CCDC3: variants seen among roughly 807,000 people sequenced by gnomAD.
CCDC3 encodes the protein coiled-coil domain containing 3, also known as coiled-coil domain-containing protein 3.
Under a neutral mutation model 21.4 loss-of-function variants are expected in CCDC3, and 24 were observed. The ratio of observed to expected loss-of-function variants is 1.12; its 90% CI spans 0.81 to 1.58. CCDC3 has a LOEUF of 1.58. Ranked by LOEUF, CCDC3 falls within the 40% of genes most tolerant of loss-of-function variation. CCDC3 has a pLI of 0.00. For missense variants in CCDC3, 425 were observed against 360.9 expected (o/e 1.18, Z -1.44); for synonymous variants, 186 against 166.0 (o/e 1.12, Z -0.93).
intron 4 of CCDC3, among the ~76,000 whole-genome samples, chr10:13,064,201 G>A (rs1003912751): frequency 6.6e-6 from 1 of 152,174 alleles, no homozygotes; most frequent in Admixed American, 6.5e-5. Context: ...AGGGATTACA[G>A]GCGTGAGCCA....
At chr10:12,912,984 C>T (rs571161961) in intron 2 of CCDC3, among the ~76,000 whole-genome samples, 1 of 152,322 alleles carries the variant, frequency 6.6e-6, no homozygotes, top group South Asian at 2.1e-4. Flanking sequence ...TAGGCCAGTG[C>T]CATCCCGCTT....
At chr10:12,961,207 CCCA>C (rs1417001149) in intron 2 of CCDC3, among the ~76,000 whole-genome samples, 3 of 152,304 alleles carry the variant, frequency 2.0e-5, no homozygotes, top group Non-Finnish European at 2.9e-5. Flanking sequence ...ATGGCTTCAG[CCCA>C]CCAAGTCTGT....
chr10:13,002,005 A>G (rs954674319), upstream of CCDC3, among the ~76,000 whole-genome samples: 6 of 152,218 alleles, frequency 3.9e-5, no homozygotes, highest in African/African-American at 7.2e-5. Context: ...TTCATTAAAG[A>G]ATGACTCTTA....
chr10:12,994,742 C>T (rs539636394), intron 2 of CCDC3, among the ~76,000 whole-genome samples: 1 of 152,066 alleles, frequency 6.6e-6, no homozygotes, highest in East Asian at 1.9e-4. Flanking sequence ...CTTGCCTTCC[C>T]ACAGAAAAAG....
At chr10:12,983,128 GTGTATATATATATATA>G (rs1473681204) in intron 2 of CCDC3, among the ~76,000 whole-genome samples, 3,043 of 117,822 alleles carry the variant, frequency 0.026, 161 homozygotes, top group African/African-American at 0.075. Flanking sequence ...AAATAAAATA[GTGTATATATATATATA>G]TATATATATA....
Position 12,905,362 on chromosome 10 carries a change from C to T in CCDC3, c.550-6683G>A, listed in dbSNP as rs532300549. On this transcript the variant is annotated intron_variant, in intron 2 of 2. Coordinates refer to ENST00000378825, the MANE Select transcript of CCDC3 (RefSeq NM_031455.4). Reference sequence around the variant, plus strand: ...AGCTGCAACGGCTGCTTCCACAAAACCTAAAATCTGGCCCTTTACAAGGAA... The same window carrying T: ...AGCTGCAACGGCTGCTTCCACAAAATCTAAAATCTGGCCCTTTACAAGGAA... Among the ~76,000 whole-genome samples the T allele has an allele frequency of 2.6e-5, 4 of 152,274 alleles. No individual in the cohort carries two copies. In the South Asian group the frequency reaches 8.3e-4, roughly 32 times the overall value.
intron 4 of CCDC3, among the ~76,000 whole-genome samples, chr10:13,063,959 C>T (rs1293524981): frequency 6.6e-6 from 1 of 150,562 alleles, no homozygotes; most frequent in Non-Finnish European, 1.5e-5. Context: ...GACATTGTCT[C>T]GCTCTGTCGT....
chr10:13,098,710 A>ATTTTTTCTT (rs1832666982), intron 2 of CCDC3: 1 of 64,854 alleles, frequency 1.5e-5, no homozygotes, highest in Non-Finnish European at 2.7e-5. Flanking sequence ...TCCTGCACTG[A>ATTTTTTCTT]TTTTTTTTTT....
chr10:12,966,193 C>T (rs560080999), intron 2 of CCDC3, among the ~76,000 whole-genome samples: 2 of 152,092 alleles, frequency 1.3e-5, no homozygotes, highest in East Asian at 3.9e-4. Context: ...CAGCCTTACT[C>T]ATATTACTAT....
At chr10:12,952,864 A>C (rs1412608957) in intron 2 of CCDC3, among the ~76,000 whole-genome samples, 1 of 152,054 alleles carries the variant, frequency 6.6e-6, no homozygotes, top group Non-Finnish European at 1.5e-5. Flanking sequence ...CCATGTGCAC[A>C]TCCATGGGTT....
intron 2 of CCDC3, among the ~76,000 whole-genome samples, chr10:12,922,928 C>T (rs755487244): frequency 7.2e-5 from 11 of 152,202 alleles, no homozygotes; most frequent in African/African-American, 1.2e-4. Context: ...CTTATTCTGA[C>T]ATTGGCCAAA....
At chr10:12,980,592 C>T (rs1421056949) in intron 2 of CCDC3, among the ~76,000 whole-genome samples, 2 of 152,020 alleles carry the variant, frequency 1.3e-5, no homozygotes, top group East Asian at 1.9e-4. Context: ...TCTTCTTCCC[C>T]GGAGAAGTTT....
chr10:12,935,509 C>A (rs913617539), intron 2 of CCDC3, among the ~76,000 whole-genome samples: 1 of 152,024 alleles, frequency 6.6e-6, no homozygotes, highest in Non-Finnish European at 1.5e-5. Context: ...TATTCATTAC[C>A]CTGGTTCTCT....
At chr10:12,935,727 G>A (rs188431950) in intron 2 of CCDC3, among the ~76,000 whole-genome samples, 434 of 150,822 alleles carry the variant, frequency 2.9e-3, no homozygotes, top group African/African-American at 9.6e-3. Flanking sequence ...GTGCAGTGGC[G>A]TGATCTCGGC....
chr10:13,061,840 T>A (rs971775112), intron 4 of CCDC3, among the ~76,000 whole-genome samples: 1 of 152,158 alleles, frequency 6.6e-6, no homozygotes, highest in Non-Finnish European at 1.5e-5. Context: ...AGACAACAGA[T>A]GACAACTGTT....
chr10:12,997,824 T>G (rs151141473), intron 2 of CCDC3, among the ~76,000 whole-genome samples: 1 of 152,182 alleles, frequency 6.6e-6, no homozygotes, highest in South Asian at 2.1e-4. Context: ...CCCTCTGACA[T>G]AGATCAGGGG....
In CCDC3 at chr10:13,060,989, G is replaced by A. The variant is rs999307758; in HGVS notation, c.-269-11048C>T. Among the ~76,000 whole-genome samples the A allele has an allele frequency of 2.6e-5, 4 of 152,194 alleles. No homozygotes were observed. In the South Asian group the frequency reaches 8.3e-4, roughly 31 times the overall value. ...GTTTGGTAATAAAGGCATGGCCCAA[G>A]ATTAGATTGGGAATTAGCAGGATTA... On this transcript the variant is annotated intron_variant, in intron 4 of 6. Transcript: ENST00000378839.
chr10:13,075,880 C>A (rs1271370616), intron 3 of CCDC3, among the ~76,000 whole-genome samples: 1 of 151,954 alleles, frequency 6.6e-6, no homozygotes, highest in Non-Finnish European at 1.5e-5. Flanking sequence ...TAAACTCTGT[C>A]TCTACTAAAA....
At chr10:12,944,060 T>C (rs1044403928) in intron 2 of CCDC3, among the ~76,000 whole-genome samples, 3 of 152,168 alleles carry the variant, frequency 2.0e-5, no homozygotes, top group Non-Finnish European at 4.4e-5. Flanking sequence ...AGCAGAGTCT[T>C]TGTAGCAGTA....
Sources: gnomAD v4.1 joint callset for allele counts (sites outside exome capture counted in the v4.1 genomes callset) on GRCh38, gnomAD v4.1.1 for gene constraint, MANE v1.5 for transcripts, NCBI Gene and HGNC (gene_info 2026-07-23, HGNC 2026-07-21) for gene names.